The following ADGRB3 variants were observed in gnomAD, a reference collection of about 807,000 sequenced individuals.
ADGRB3 encodes the protein adhesion G protein-coupled receptor B3.
ADGRB3 carries 37 observed loss-of-function variants against 193.4 expected under a neutral mutation model. The observed-to-expected ratio is 0.19, with a 90% CI of 0.15 to 0.25. ADGRB3 has a LOEUF of 0.25. Among genes scored for constraint, ADGRB3 ranks in the 10% least tolerant of loss-of-function variants. ADGRB3 has a pLI of 1.00. For missense variants in ADGRB3, 1,637 were observed against 1,852.9 expected (o/e 0.88, Z 2.14); for synonymous variants, 690 against 644.2 (o/e 1.07, Z -1.08).
intron 17 of ADGRB3, among the ~76,000 whole-genome samples, chr6:69,088,465 C>T (rs1237810808): frequency 5.9e-5 from 9 of 152,166 alleles, no homozygotes; most frequent in Middle Eastern, 3.4e-3. Flanking sequence ...TTCTACCTCC[C>T]GGGTTCAAGC....
chr6:68,969,289 T>G (rs979301245), intron 8 of ADGRB3, among the ~76,000 whole-genome samples: 2 of 152,178 alleles, frequency 1.3e-5, no homozygotes, highest in African/African-American at 2.4e-5. Context: ...AGCAGCATTT[T>G]AAGGATAAAT....
At chr6:68,946,228 C>T (rs775224105) in intron 6 of ADGRB3, among the ~76,000 whole-genome samples, 5 of 151,482 alleles carry the variant, frequency 3.3e-5, no homozygotes, top group South Asian at 2.1e-4. Context: ...CCAAAAAAAT[C>T]GACGTTATGA....
rs756144953 is a variant in ADGRB3, at chr6:69,382,918, C to G, written c.4363C>G (p.Pro1455Ala). 1 of 1,604,008 alleles carries G rather than the reference C, an allele frequency of 6.2e-7. No homozygotes were observed. Among genetic ancestry groups the G allele is most frequent in the Non-Finnish European group, 8.5e-7 (1 of 1,173,114 alleles). ...FQTLDRFRDIPNTSSMENPAP... is the reference protein window; with the variant it reads ...FQTLDRFRDIANTSSMENPAP... ...AACTTTGGACAGATTTCGGGATATA[C>G]CAAATACAAGCAGTATGGTAAGTAT... Residue 1455 changes from proline to alanine, a missense_variant, in exon 31 of 32, where the codon CCA becomes GCA. Around this residue, in one of 7 missense-constraint regions of ADGRB3, gnomAD observed 368 missense variants for 367.4 expected, o/e 1.00. Transcript: ENST00000370598.
intron 28 of ADGRB3, among the ~76,000 whole-genome samples, chr6:69,356,487 G>A (rs1441746510): frequency 6.6e-6 from 1 of 151,962 alleles, no homozygotes; most frequent in African/African-American, 2.4e-5. Flanking sequence ...GTTTGTGGAG[G>A]AAGAAGGAGA....
intron 3 of ADGRB3, among the ~76,000 whole-genome samples, chr6:68,817,756 T>C (rs1767664833): frequency 6.6e-6 from 1 of 152,052 alleles, no homozygotes; most frequent in South Asian, 2.1e-4. Context: ...CAAGCCAAAT[T>C]GCATTTGTGA....
At chr6:69,144,680 C>T (rs985749893) in intron 17 of ADGRB3, among the ~76,000 whole-genome samples, 2 of 152,064 alleles carry the variant, frequency 1.3e-5, no homozygotes, top group Non-Finnish European at 2.9e-5. Flanking sequence ...TTATTTTTAT[C>T]CTTGATTCTG....
At chr6:68,740,477 A>G (rs185715593) in intron 3 of ADGRB3, among the ~76,000 whole-genome samples, 4 of 152,336 alleles carry the variant, frequency 2.6e-5, no homozygotes, top group African/African-American at 4.8e-5. Context: ...GAGCATCTTT[A>G]AGAAAAAAAC....
chr6:69,386,284 A>G (rs1380525896), intron 31 of ADGRB3, among the ~76,000 whole-genome samples: 2 of 152,074 alleles, frequency 1.3e-5, no homozygotes, highest in Non-Finnish European at 2.9e-5. Context: ...TTCCAAACAT[A>G]ATGGAGCCCC....
chr6:68,718,286 G>A (rs1156603167), intron 3 of ADGRB3, among the ~76,000 whole-genome samples: 2 of 151,654 alleles, frequency 1.3e-5, no homozygotes, highest in Non-Finnish European at 3.0e-5. Flanking sequence ...CAGATCTACT[G>A]AATTAGAATT....
chr6:69,260,086 CAGTT>C (rs1418399362), intron 20 of ADGRB3, among the ~76,000 whole-genome samples: 1 of 152,064 alleles, frequency 6.6e-6, no homozygotes, highest in Non-Finnish European at 1.5e-5. Flanking sequence ...GATTTGTGCT[CAGTT>C]ATAGATTTTT....
At chr6:69,005,282 C>A (rs1057477977) in intron 11 of ADGRB3, among the ~76,000 whole-genome samples, 4 of 151,220 alleles carry the variant, frequency 2.6e-5, no homozygotes, top group African/African-American at 9.7e-5. Context: ...TAGCTTCATC[C>A]CATCTAGTAT....
intron 3 of ADGRB3, among the ~76,000 whole-genome samples, chr6:68,745,188 A>G (rs1041252722): frequency 6.6e-6 from 1 of 152,198 alleles, no homozygotes; most frequent in African/African-American, 2.4e-5. Flanking sequence ...GGTAGAAGCA[A>G]CCTAAATGCC....
Position 68,659,604 on chromosome 6 carries a change from A to C in ADGRB3, c.757+20172A>C, listed in dbSNP as rs946541393. Among the ~76,000 whole-genome samples the C allele has an allele frequency of 3.3e-5, 5 of 151,128 alleles. No individual in the cohort carries two copies. The East Asian group carries it at 5.8e-4, about 18-fold the overall frequency. ...TTACAACACAAATATATATCCTGTCATCTCTAATATGAATTATTTTTATAT... is the reference window on the plus strand; with the variant it reads ...TTACAACACAAATATATATCCTGTCCTCTCTAATATGAATTATTTTTATAT... On this transcript the variant is annotated intron_variant, in intron 3 of 31. Transcript: ENST00000370598.
At chr6:69,358,857 G>T (rs1233975641) in intron 28 of ADGRB3, among the ~76,000 whole-genome samples, 1 of 151,520 alleles carries the variant, frequency 6.6e-6, no homozygotes, top group Non-Finnish European at 1.5e-5. Flanking sequence ...TAAGAGGCAG[G>T]CATTTCTCTC....
At chr6:69,087,178 T>C (rs1772574993) in intron 17 of ADGRB3, among the ~76,000 whole-genome samples, 1 of 152,062 alleles carries the variant, frequency 6.6e-6, no homozygotes, top group Non-Finnish European at 1.5e-5. Context: ...AGGAATTGCA[T>C]TTATTTTCTT....
chr6:68,650,172 T>A (rs1276064719), intron 3 of ADGRB3, among the ~76,000 whole-genome samples: 1 of 152,190 alleles, frequency 6.6e-6, no homozygotes. Flanking sequence ...ACTAAAGGTC[T>A]TATGTAATAA....
intron 10 of ADGRB3, among the ~76,000 whole-genome samples, chr6:68,977,523 C>A (rs1399068417): frequency 6.6e-6 from 1 of 152,104 alleles, no homozygotes; most frequent in Non-Finnish European, 1.5e-5. Context: ...GGGTTTCATT[C>A]TTGAGTGCAG....
intron 3 of ADGRB3, among the ~76,000 whole-genome samples, chr6:68,812,072 G>A (rs1236081806): frequency 6.6e-6 from 1 of 152,120 alleles, no homozygotes; most frequent in Non-Finnish European, 1.5e-5. Flanking sequence ...GGTCACAGAG[G>A]TGCAAAGAGA....
At chr6:68,769,418 C>T (rs1487109995) in intron 3 of ADGRB3, among the ~76,000 whole-genome samples, 1 of 152,160 alleles carries the variant, frequency 6.6e-6, no homozygotes, top group African/African-American at 2.4e-5. Flanking sequence ...AACCATCATT[C>T]TCAGTAGACT....
Sources: allele counts gnomAD v4.1 joint callset (sites outside exome capture counted in the v4.1 genomes callset), GRCh38; gene constraint gnomAD v4.1.1; regional missense constraint gnomAD v4.1.1; transcripts MANE v1.5; gene names NCBI Gene and HGNC (gene_info 2026-07-23, HGNC 2026-07-21).